CLEC6A: variants seen among roughly 807,000 people sequenced by gnomAD.
The protein encoded by CLEC6A is C-type lectin domain family 6 member A.
Under a neutral mutation model 25.7 loss-of-function variants are expected in CLEC6A, and 22 were observed. The ratio of observed to expected loss-of-function variants is 0.85; its 90% CI spans 0.61 to 1.22. The LOEUF (loss-of-function observed/expected upper bound fraction) is 1.22. Ranked by LOEUF, CLEC6A falls within the 50% of genes most tolerant of loss-of-function variation. The probability of loss-of-function intolerance (pLI) is 0.00; values close to 1 mark genes in which losing one functional copy is unlikely to be tolerated. For missense variants in CLEC6A, 240 were observed against 236.8 expected, an observed-to-expected ratio of 1.01 and a Z score of -0.09; for synonymous variants, 92 against 76.7, an observed-to-expected ratio of 1.20 and a Z score of -1.04.
At chr12:8,472,141 T>G (rs2136365044) in intron 4 of CLEC6A, among the ~76,000 whole-genome samples, 2 of 152,320 alleles carry the variant, frequency 1.3e-5, no homozygotes, top group Middle Eastern at 3.4e-3. Flanking sequence ...AGCCTGGGTA[T>G]AGATTCCAGG....
chr12:8,459,768 G>A, intron 3 of CLEC6A, 70 bp downstream of exon 3: 1 of 963,762 alleles, frequency 1.0e-6, no homozygotes, highest in East Asian at 2.4e-5. Context: ...GCTCAAGATT[G>A]GTGTATTCTA....
rs2136355040 is a variant in CLEC6A at position 8,455,989 on chromosome 12, G to T, written c.-123G>T. 3.9e-6 allele frequency: 3 copies of T among 770,860 alleles called. No homozygotes were observed. Among genetic ancestry groups the T allele is most frequent in the Non-Finnish European group, 6.6e-6 (3 of 455,144 alleles). The allele number at this position is 770,860 out of a possible 1,614,324, so 47.8% of individuals were successfully genotyped here. A position where few individuals can be genotyped will look rare whatever the true frequency, so the allele number is the denominator to read the frequency against. On this transcript the variant is annotated 5_prime_UTR_variant, in exon 1 of 6. Coordinates refer to ENST00000382073, the MANE Select transcript of CLEC6A (RefSeq NM_001007033.2). ...TGTTGGAAGTCTCTTAGTCCTATAA[G>T]AGTGTGTAGCAGTTTGTCCCTGAGC...
chr12:8,468,231 C>G (rs973952216), intron 4 of CLEC6A, among the ~76,000 whole-genome samples: 1 of 152,206 alleles, frequency 6.6e-6, no homozygotes, highest in African/African-American at 2.4e-5. Context: ...GCGTGAGCCA[C>G]CACATGTGGC....
chr12:8,464,577 C>T (rs1377142524), intron 3 of CLEC6A, among the ~76,000 whole-genome samples: 1 of 152,102 alleles, frequency 6.6e-6, no homozygotes, highest in Non-Finnish European at 1.5e-5. Flanking sequence ...CGTGATCCGC[C>T]CGCCTCGGCC....
intron 4 of CLEC6A, among the ~76,000 whole-genome samples, chr12:8,466,756 A>T (rs1236011154): frequency 2.0e-5 from 3 of 151,998 alleles, no homozygotes; most frequent in African/African-American, 7.3e-5. Flanking sequence ...CCCGGGTTCA[A>T]GCAATTCTCT....
intron 3 of CLEC6A, chr12:8,460,504 G>A (rs1939738668): frequency 3.2e-6 from 2 of 620,144 alleles, no homozygotes; most frequent in East Asian, 5.5e-5. Flanking sequence ...GGAATTATGG[G>A]AGTACAATTC....
intron 4 of CLEC6A, among the ~76,000 whole-genome samples, chr12:8,469,324 G>A (rs957946352): frequency 6.6e-5 from 10 of 151,994 alleles, no homozygotes; most frequent in African/African-American, 2.4e-4. Flanking sequence ...GCTCATGGAT[G>A]ATTAGAATCA....
At chr12:8,464,786 G>A (rs201235229) in intron 3 of CLEC6A, among the ~76,000 whole-genome samples, 1 of 152,124 alleles carries the variant, frequency 6.6e-6, no homozygotes, top group Admixed American at 6.6e-5. Context: ...TAGAAGAGTG[G>A]CAAACTGGTA....
intron 4 of CLEC6A, among the ~76,000 whole-genome samples, chr12:8,469,489 G>A (rs147519688): frequency 5.9e-5 from 9 of 151,580 alleles, no homozygotes; most frequent in Non-Finnish European, 8.8e-5. Context: ...GTAAGACTAA[G>A]CAAAAAGAAC....
chr12:8,472,645 C>A (rs1591709750), intron 4 of CLEC6A, among the ~76,000 whole-genome samples: 1 of 152,230 alleles, frequency 6.6e-6, no homozygotes, highest in East Asian at 1.9e-4. Flanking sequence ...TTTACAAAGG[C>A]AATTTGGTTC....
At chr12:8,476,096 CTT>C in intron 4 of CLEC6A, 27 bp from the exon 5 acceptor site, 1 of 1,434,866 alleles carries the variant, frequency 7.0e-7, no homozygotes, top group African/African-American at 1.4e-5. Flanking sequence ...ATACCAAAGT[CTT>C]TGACTCCTTT....
At chr12:8,468,895 T>C (rs1378228996) in intron 4 of CLEC6A, among the ~76,000 whole-genome samples, 1 of 152,116 alleles carries the variant, frequency 6.6e-6, no homozygotes, top group Non-Finnish European at 1.5e-5. Flanking sequence ...GGATGCCCAC[T>C]CTTACCATTT....
intron 3 of CLEC6A, chr12:8,461,078 C>T: frequency 6.3e-7 from 1 of 1,595,984 alleles, no homozygotes; most frequent in African/African-American, 1.3e-5. Context: ...ATCACCAAAC[C>T]AGTCCACAAG....
Position 8,473,758 on chromosome 12 carries a change from G to A in CLEC6A, c.370-2367G>A, listed in dbSNP as rs747007833. On this transcript the variant is annotated intron_variant, in intron 4 of 5. Coordinates refer to ENST00000382073, the MANE Select transcript of CLEC6A (RefSeq NM_001007033.2). ...AGCATGTGCTGTTTTTGACTTTTAA[G>A]TAATAGCCATACTGACTGCTGTGAG... 1.7e-4 allele frequency among the ~76,000 whole-genome samples: 26 copies of A among 152,130 alleles called. No individual in the cohort carries two copies. The East Asian group carries it at 3.1e-3, about 18-fold the overall frequency.
Position 8,477,405 on chromosome 12 carries a change from G to T in CLEC6A, c.571G>T (p.Asp191Tyr). ...FWKPTGWGWN[D>Y]VICETRRNSI... ...GAAACCTACAGGATGGGGCTGGAAT[G>T]ATGTTATCTGTGAAACTAGAAGGAA... Residue 191 changes from aspartate to tyrosine, a missense_variant, in exon 6 of 6, where the codon GAT (aspartate) becomes TAT (tyrosine). Transcript: ENST00000382073. 1 of 1,611,780 alleles carries T rather than the reference G, an allele frequency of 6.2e-7. No homozygotes were observed. Among genetic ancestry groups the T allele is most frequent in the East Asian group, 2.2e-5 (1 of 44,780 alleles).
At position 8,457,972 on chromosome 12, in the gene CLEC6A, A is replaced by C. The variant is rs754759395; in HGVS notation, c.106A>C (p.Ile36Leu). 1 of 1,613,216 alleles carries C rather than the reference A, an allele frequency of 6.2e-7. No individual in the cohort carries two copies. Among genetic ancestry groups the C allele is most frequent in the East Asian group, 2.2e-5 (1 of 44,874 alleles). The change falls in exon 2 of 6, where the codon ATT (isoleucine) becomes CTT (leucine). Residue 36 changes from isoleucine to leucine, a missense_variant. Ile to Leu is a conservative substitution (Grantham distance 5). Transcript: ENST00000382073. ...ISIALLSACFIVSCVVTYHFT... is the reference protein window; with the variant it reads ...ISIALLSACFLVSCVVTYHFT... ...CATTGCACTCCTCAGTGCTTGCTTC[A>C]TTGTGAGCTGTGTAGGTAAGTTCTT...
intron 3 of CLEC6A, 146 bp downstream of exon 3, chr12:8,459,844 C>T: frequency 1.6e-6 from 1 of 627,810 alleles, no homozygotes; most frequent in South Asian, 1.9e-5. Flanking sequence ...TTTCTCTAAA[C>T]ATACATGTTC....
At chr12:8,460,455 A>T (rs761186358) in intron 3 of CLEC6A, among the ~76,000 whole-genome samples, 76 of 152,298 alleles carry the variant, frequency 5.0e-4, no homozygotes, top group African/African-American at 1.7e-3. Flanking sequence ...CACCCCCAAG[A>T]TTCAATTATC....
intron 3 of CLEC6A, 87 bp from the exon 4 acceptor site, chr12:8,465,397 A>G (rs1222716227): frequency 1.6e-6 from 2 of 1,290,298 alleles, no homozygotes; most frequent in Non-Finnish European, 2.2e-6. Context: ...TGAATTAAGA[A>G]ACTGTCTCTA....
Sources: allele counts gnomAD v4.1 joint callset (sites outside exome capture counted in the v4.1 genomes callset), GRCh38; gene constraint gnomAD v4.1.1; transcripts MANE v1.5; gene names NCBI Gene and HGNC (gene_info 2026-07-23, HGNC 2026-07-21).